Variants in OR3A2 observed in about 807,000 individuals in gnomAD.
The protein encoded by OR3A2 is olfactory receptor 3A2.
For missense variants in OR3A2, 318 were observed against 392.8 expected (o/e 0.81, Z 1.61); for synonymous variants, 126 against 159.3 (o/e 0.79, Z 1.57).
intron 3 of OR3A2, chr17:3,291,623 A>G (rs1301401349): frequency 2.5e-6 from 4 of 1,574,966 alleles, no homozygotes; most frequent in Middle Eastern, 1.7e-4. Flanking sequence ...GAAAGGGTCA[A>G]TTGAGACCTC....
chr17:3,358,994 A>C (rs988100960), intron 2 of OR3A2, among the ~76,000 whole-genome samples: 2 of 151,800 alleles, frequency 1.3e-5, no homozygotes, highest in African/African-American at 4.9e-5. Flanking sequence ...TAGGATATTC[A>C]GATCTTCTTG....
At chr17:3,353,384 C>A (rs915293429) in intron 2 of OR3A2, among the ~76,000 whole-genome samples, 2 of 151,808 alleles carry the variant, frequency 1.3e-5, no homozygotes, top group African/African-American at 4.8e-5. Context: ...GCTAGGACTT[C>A]CAGTACTATG....
intron 3 of OR3A2, chr17:3,292,353 A>G (rs1170389139): frequency 6.2e-7 from 1 of 1,613,974 alleles, no homozygotes; most frequent in East Asian, 2.2e-5. Flanking sequence ...AGTGACGCTG[A>G]TGCACCCAAC....
rs949003924 is a variant in OR3A2 at position 3,328,541 on chromosome 17, C to A, written c.-85+7492G>T. 1.1e-3 allele frequency among the ~76,000 whole-genome samples: 154 copies of A among 141,958 alleles called. 1 individual carries two copies. Among genetic ancestry groups the A allele is most frequent in the African/African-American group, 4.0e-3 (144 of 36,134 alleles). 93.1% of individuals were successfully genotyped at this position (141,958 alleles called of 152,430 possible). On this transcript the variant is annotated intron_variant, in intron 3 of 4. Transcript: ENST00000573491. ...GACTTCCTCTTTTCCTAATTGAATA[C>A]CCTTTATTTCCTTCTCCTGCCTAAT...
chr17:3,382,103 G>T (rs747049663), intron 2 of OR3A2, among the ~76,000 whole-genome samples: 15 of 152,132 alleles, frequency 9.9e-5, no homozygotes, highest in Non-Finnish European at 1.5e-4. Context: ...GAGTGGAGCT[G>T]GGCGGGGTAC....
At chr17:3,338,826 TA>T (rs1297905812) in intron 2 of OR3A2, among the ~76,000 whole-genome samples, 39 of 150,150 alleles carry the variant, frequency 2.6e-4, no homozygotes, top group Admixed American at 7.3e-4. Context: ...TGGTAGCTGA[TA>T]GGGGCATTGA....
At chr17:3,340,742 T>C (rs1052378518) in intron 2 of OR3A2, among the ~76,000 whole-genome samples, 3 of 216 alleles carry the variant, frequency 0.014, no homozygotes, top group African/African-American at 0.043. Context: ...TATATTCTGT[T>C]GACTTGGGGT....
intron 2 of OR3A2, among the ~76,000 whole-genome samples, chr17:3,371,513 C>T (rs1239835666): frequency 7.0e-6 from 1 of 142,500 alleles, no homozygotes; most frequent in African/African-American, 2.6e-5. Context: ...GCTGGCCGGG[C>T]GGGGGGCTGA....
intron 2 of OR3A2, among the ~76,000 whole-genome samples, chr17:3,372,860 G>GGAGAGGGAGAGGGAGAGA (rs2049644032): frequency 1.7e-4 from 5 of 29,314 alleles, no homozygotes; most frequent in Non-Finnish European, 3.4e-4. Flanking sequence ...AGAGGGAGAG[G>GGAGAGGGAGAGGGAGAGA]GAGAGGGAGA....
intron 2 of OR3A2, among the ~76,000 whole-genome samples, chr17:3,347,476 T>C (rs1006213395): frequency 1.3e-5 from 2 of 152,218 alleles, no homozygotes; most frequent in South Asian, 2.1e-4. Context: ...TTCCCACCTA[T>C]GAGTGAGAAC....
At chr17:3,369,546 T>C (rs757055599) in intron 2 of OR3A2, among the ~76,000 whole-genome samples, 4 of 152,238 alleles carry the variant, frequency 2.6e-5, no homozygotes, top group Non-Finnish European at 5.9e-5. Flanking sequence ...TTGACTTATG[T>C]ATGTTAAACC....
At position 3,311,665 on chromosome 17, in the gene OR3A2, G is replaced by A. The variant is rs575642152; in HGVS notation, c.-85+24368C>T. 5.1e-4 allele frequency: 146 copies of A among 286,572 alleles called. No homozygotes were observed. Among genetic ancestry groups the A allele is most frequent in the Non-Finnish European group, 8.0e-4 (112 of 139,346 alleles). 17.8% of individuals were successfully genotyped at this position (286,572 alleles called of 1,614,324 possible). ...AGTGTCCTATGCCCACGTCACAGCT[G>A]CAATATTACAAATCCGCTCAGCTGA... On this transcript the variant is annotated intron_variant, in intron 3 of 4. Coordinates refer to the OR3A2 transcript ENST00000573491. The surrounding 1 kb of genome is among the most constrained non-coding windows in gnomAD (Gnocchi z 4.6).
chr17:3,350,983 A>G (rs570792466), intron 2 of OR3A2, among the ~76,000 whole-genome samples: 2 of 151,846 alleles, frequency 1.3e-5, no homozygotes, highest in African/African-American at 2.4e-5. Flanking sequence ...AAATTCAACA[A>G]CCTTTCATGC....
At chr17:3,339,692 A>G (rs2049300723) in intron 2 of OR3A2, among the ~76,000 whole-genome samples, 2 of 151,816 alleles carry the variant, frequency 1.3e-5, no homozygotes, top group South Asian at 4.2e-4. Flanking sequence ...TTTATTGAGG[A>G]TTTTTGCATC....
At chr17:3,341,751 C>T (rs1341828025) in intron 2 of OR3A2, among the ~76,000 whole-genome samples, 1 of 152,094 alleles carries the variant, frequency 6.6e-6, no homozygotes, top group Non-Finnish European at 1.5e-5. Context: ...CTTGGAGTTG[C>T]TCTTCTGGAG....
At chr17:3,363,744 G>A (rs1224488008) in intron 2 of OR3A2, among the ~76,000 whole-genome samples, 1 of 152,182 alleles carries the variant, frequency 6.6e-6, no homozygotes, top group Non-Finnish European at 1.5e-5. Context: ...AATTTATGAA[G>A]AGGTTTGGTT....
intron 2 of OR3A2, among the ~76,000 whole-genome samples, chr17:3,360,195 G>C (rs1252495216): frequency 6.6e-6 from 1 of 151,762 alleles, no homozygotes; most frequent in Non-Finnish European, 1.5e-5. Context: ...TTTTTCATGT[G>C]TCTGTTGGCT....
At chr17:3,356,003 G>T (rs768231752) in intron 2 of OR3A2, among the ~76,000 whole-genome samples, 5 of 150,072 alleles carry the variant, frequency 3.3e-5, no homozygotes, top group African/African-American at 7.4e-5. Flanking sequence ...TATGTTTTTT[G>T]ATTTGAGATT....
At chr17:3,314,696 T>A (rs948731921) in intron 3 of OR3A2, among the ~76,000 whole-genome samples, 8 of 152,352 alleles carry the variant, frequency 5.3e-5, no homozygotes, top group African/African-American at 1.7e-4. Context: ...ATATATTTTT[T>A]AAATTTCCAC....
Sources: allele counts gnomAD v4.1 joint callset (sites outside exome capture counted in the v4.1 genomes callset), GRCh38; gene constraint gnomAD v4.1.1; non-coding constraint Gnocchi (gnomAD v3.1); transcripts MANE v1.5; gene names NCBI Gene and HGNC (gene_info 2026-07-23, HGNC 2026-07-21).